CHI3L1: variants seen among roughly 807,000 people sequenced by gnomAD.
CHI3L1 encodes the protein chitinase 3 like 1.
A neutral mutation model predicts 40.7 loss-of-function variants in CHI3L1; 30 were observed. That is an observed-to-expected ratio of 0.74 (90% CI 0.55 to 1.00). The LOEUF (loss-of-function observed/expected upper bound fraction) is 1.00, where lower values mean the gene tolerates loss of function less well. CHI3L1 is among the 50% of genes least tolerant of loss of function. The pLI, the probability that CHI3L1 is intolerant of heterozygous loss-of-function variation, is 0.00. For missense variants in CHI3L1, 493 were observed against 492.2 expected (o/e 1.00, Z -0.01); for synonymous variants, 210 against 192.1 (o/e 1.09, Z -0.77).
rs769986275 is a variant in CHI3L1 at position 203,184,631 on chromosome 1, T to C, written c.259A>G (p.Asn87Asp). 6.2e-7 allele frequency: 1 copy of C among 1,613,920 alleles called. No individual in the cohort carries two copies. Among genetic ancestry groups the C allele is most frequent in the Non-Finnish European group, 8.5e-7 (1 of 1,179,820 alleles). ...YGMLNTLKNR[N>D]PNLKTLLSVG... ...GACAAGAGAGTCTTCAGGTTGGGGT[T>C]CCTGTGGAGCACAGGGAGGTGGGGA... Residue 87 changes from asparagine (N) to aspartate (D), a missense_variant and splice_region_variant, in exon 4 of 10, where the codon AAC (asparagine) becomes GAC (aspartate). Coordinates refer to ENST00000255409, the MANE Select transcript of CHI3L1 (RefSeq NM_001276.4).
rs1212273815 is a variant in CHI3L1 at position 203,183,702 on chromosome 1, A to G, written c.404T>C (p.Leu135Pro). ...TCCAGGGTAGAGCCAGGCAAGGTCC[A>G]GCCCATCAAAGCCATGGGTGCGCAG... is the stretch of plus-strand genomic sequence containing the variant. ...PFLRTHGFDG[L>P]DLAWLYPGRR... The change falls in exon 5 of 10, where the codon CTG (leucine) becomes CCG (proline). Residue 135 changes from leucine to proline, a missense_variant. Coordinates refer to ENST00000255409, the MANE Select transcript of CHI3L1 (RefSeq NM_001276.4). The G allele has an allele frequency of 1.2e-6, 2 of 1,614,232 alleles. No individual in the cohort carries two copies. Among genetic ancestry groups the G allele is most frequent in the Non-Finnish European group, 1.7e-6 (2 of 1,180,038 alleles).
At chr1:203,183,499 G>T in intron 5 of CHI3L1, 142 bp downstream of exon 5, 1 of 809,170 alleles carries the variant, frequency 1.2e-6, no homozygotes, top group Non-Finnish European at 2.0e-6. Context: ...GATCTTCAGG[G>T]CACAGGGTCC....
chr1:203,183,765 T>C lies in CHI3L1; in HGVS notation c.341A>G (p.Gln114Arg), dbSNP rs1393956337. The change falls in exon 5 of 10, where the codon CAG becomes CGG. Residue 114 changes from glutamine to arginine, a missense_variant. Physicochemically the swap from Gln to Arg is conservative, Grantham distance 43. Coordinates refer to ENST00000255409, the MANE Select transcript of CHI3L1 (RefSeq NM_001276.4). ...TGACTTGATGAAAGTCCGGCGACTC[T>C]GGGTGTTGGAGGCTATCTTGGAAAA... ...QRFSKIASNT[Q>R]SRRTFIKSVP... The C allele has an allele frequency of 6.2e-7, 1 of 1,614,204 alleles. No homozygotes were observed. The highest frequency in any genetic ancestry group is 8.5e-7 in the Non-Finnish European group (1 of 1,180,026).
At chr1:203,183,609 ACCTC>A in intron 5 of CHI3L1, 28 bp downstream of exon 5, 1 of 1,610,772 alleles carries the variant, frequency 6.2e-7, no homozygotes, top group Non-Finnish European at 8.5e-7. Flanking sequence ...ATGCCTGCCC[ACCTC>A]CCTCCCTGTC....
chr1:203,184,477 G>A, intron 4 of CHI3L1, 99 bp downstream of exon 4: 5 of 964,944 alleles, frequency 5.2e-6, no homozygotes, highest in Non-Finnish European at 8.4e-6. Flanking sequence ...ATCTAGTCTG[G>A]AGCCCCTGGA....
Position 203,180,548 on chromosome 1 carries a change from A to G in CHI3L1, c.816T>C (p.Thr272=), listed in dbSNP as rs1655913449. ...GRSFTLASSE[T]GVGAPISGPG... ...GTCCTGAGATTGGGGCTCCAACACC[A>G]GTCTCAGAAGAAGCCAGAGTGAAGC... Residue 272 remains threonine, a synonymous_variant, in exon 8 of 10, where the codon ACT becomes ACC. Transcript: ENST00000255409. The G allele has an allele frequency of 3.7e-6, 6 of 1,611,258 alleles. No individual in the cohort carries two copies. In the East Asian group the frequency reaches 9.0e-5, roughly 24 times the overall value.
At chr1:203,186,545 T>C in intron 1 of CHI3L1, 54 bp downstream of exon 1, 4 of 1,611,434 alleles carry the variant, frequency 2.5e-6, no homozygotes, top group Non-Finnish European at 3.4e-6. Context: ...CTGCGGGCTG[T>C]CTGGGCCTGA....
At chr1:203,180,785 G>A (rs548267407) in intron 7 of CHI3L1, 133 bp from the exon 8 acceptor site, 12 of 666,306 alleles carry the variant, frequency 1.8e-5, no homozygotes, top group Admixed American at 1.4e-4. Flanking sequence ...CTCCGGGAAC[G>A]GATCATGTCA....
chr1:203,180,322 C>T (rs1655907296), intron 8 of CHI3L1, 148 bp downstream of exon 8: 1 of 726,676 alleles, frequency 1.4e-6, no homozygotes, highest in South Asian at 2.1e-5. Flanking sequence ...ATGTCCTAAC[C>T]TCTCCCTTCC....
intron 8 of CHI3L1, 99 bp from the exon 9 acceptor site, chr1:203,179,976 C>G (rs1655899960): frequency 1.8e-6 from 2 of 1,082,334 alleles, no homozygotes; most frequent in Admixed American, 4.0e-5. Flanking sequence ...AGCTCCTGCT[C>G]CATCCTGCAG....
At chr1:203,179,717 C>T in intron 9 of CHI3L1, 44 bp downstream of exon 9, 1 of 1,614,170 alleles carries the variant, frequency 6.2e-7, no homozygotes, top group Non-Finnish European at 8.5e-7. Flanking sequence ...AGCGGGGCCT[C>T]CTTCTTTCTC....
At position 203,186,665 on chromosome 1, in the gene CHI3L1, T is replaced by C. The variant is rs368162529; in HGVS notation, c.-42A>G. 1 of 1,613,526 alleles carries C rather than the reference T, an allele frequency of 6.2e-7. No individual in the cohort carries two copies. ...CAGGGCAGGGTGTGGCCTCTTCCCT[T>C]GCCCACGGCTCCTGGTGCCAGCTAC... On this transcript the variant is annotated 5_prime_UTR_variant, in exon 1 of 10. Transcript: ENST00000255409.
At chr1:203,182,662 C>T in intron 6 of CHI3L1, 69 bp downstream of exon 6, 1 of 1,590,000 alleles carries the variant, frequency 6.3e-7, no homozygotes, top group East Asian at 2.2e-5. Flanking sequence ...AGTGCTAGGG[C>T]TGGGGGTGGC....
Position 203,185,219 on chromosome 1 carries a change from C to T in CHI3L1, c.222G>A (p.Val74=). 1 of 1,614,144 alleles carries T rather than the reference C, an allele frequency of 6.2e-7. No individual in the cohort carries two copies. Among genetic ancestry groups the T allele is most frequent in the Non-Finnish European group, 8.5e-7 (1 of 1,180,008 alleles). The change falls in exon 3 of 10, where the codon GTG becomes GTA. Residue 74 remains valine, a synonymous_variant. Coordinates refer to ENST00000255409, the MANE Select transcript of CHI3L1 (RefSeq NM_001276.4). ...DHIDTWEWND[V]TLYGMLNTLK... ...GTGTGTTGAGCATGCCGTAGAGCGT[C>T]ACATCATTCCACTCCCAGGTGTCGA...
intron 8 of CHI3L1, 82 bp from the exon 9 acceptor site, chr1:203,179,959 C>G: frequency 1.6e-6 from 2 of 1,263,052 alleles, no homozygotes; most frequent in Non-Finnish European, 2.3e-6. Flanking sequence ...CTCTCCAAAT[C>G]TCTTTTAGCT....
Position 203,182,819 on chromosome 1 carries a change from G to A in CHI3L1, c.499C>T (p.Pro167Ser). 1 of 1,614,110 alleles carries A rather than the reference G, an allele frequency of 6.2e-7. No homozygotes were observed. The highest frequency in any genetic ancestry group is 8.5e-7 in the Non-Finnish European group (1 of 1,179,978). ...CTGAGCAGGAGCTGCTTTTTCCCTG[G>A]CTGGGCTTCCTTTATAAATTCGGCC... ...MKAEFIKEAQ[P>S]GKKQLLLSAA... The change falls in exon 6 of 10, where the codon CCA (proline) becomes TCA (serine). Residue 167 changes from proline to serine, a missense_variant. By Grantham distance (74) the Pro-to-Ser change is moderately conservative. Transcript: ENST00000255409.
Position 203,179,502 on chromosome 1 carries a change from G to A in CHI3L1, c.1095C>T (p.Gly365=), listed in dbSNP as rs761616765. ...TGGTGAGAGGGAAGCGCAGATCCTG[G>A]CCACAGAAGGAGCCCTGGAAGTCAT... is the stretch of plus-strand genomic sequence containing the variant. ...DLDDFQGSFC[G]QDLRFPLTNA... The change falls in exon 10 of 10, where the codon GGC becomes GGT. Residue 365 remains glycine (G), a synonymous_variant. Transcript: ENST00000255409. 18 of 1,577,078 alleles carry A rather than the reference G, an allele frequency of 1.1e-5. No homozygotes were observed. The highest frequency in any genetic ancestry group is 1.5e-5 in the Non-Finnish European group (17 of 1,160,512).
chr1:203,179,029 G>A lies in CHI3L1; in HGVS notation c.*416C>T, dbSNP rs1655869348. ...CGTTCCTAAGTGAAGGTTTCAAGCT[G>A]GGCTTTGCAGGGGGTATAATTAGTA... On this transcript the variant is annotated 3_prime_UTR_variant, in exon 10 of 10. Transcript: ENST00000255409. 6.2e-6 allele frequency: 1 copy of A among 160,342 alleles called. No homozygotes were observed. Among genetic ancestry groups the A allele is most frequent in the African/African-American group, 2.4e-5 (1 of 41,606 alleles). The allele number at this position is 160,342 out of a possible 1,614,324, so 9.9% of individuals were successfully genotyped here.
chr1:203,179,683 A>G, intron 9 of CHI3L1, 78 bp downstream of exon 9: 1 of 1,614,018 alleles, frequency 6.2e-7, no homozygotes, highest in South Asian at 1.1e-5. Context: ...CCTCAGTGCA[A>G]GGGACAGGAA....
Sources: allele counts gnomAD v4.1 joint callset, GRCh38; gene constraint gnomAD v4.1.1; transcripts MANE v1.5; gene names NCBI Gene and HGNC (gene_info 2026-07-23, HGNC 2026-07-21).